NCK1: variants seen among roughly 807,000 people sequenced by gnomAD.
The protein encoded by NCK1 is NCK adaptor protein 1.
In NCK1, 19 loss-of-function variants were observed where a neutral mutation model predicts 36.6. That is an observed-to-expected ratio of 0.52 (90% CI 0.36 to 0.76). NCK1 has a LOEUF of 0.76. NCK1 is among the 30% of genes least tolerant of loss of function. The pLI, the probability that NCK1 is intolerant of heterozygous loss-of-function variation, is 0.00. For missense variants in NCK1, 358 were observed against 445.6 expected, an observed-to-expected ratio of 0.80 and a Z score of 1.77; for synonymous variants, 165 against 156.0, an observed-to-expected ratio of 1.06 and a Z score of -0.43.
chr3:136,897,771 ACTGAG>A (rs1408520895), intron 1 of NCK1, among the ~76,000 whole-genome samples: 5 of 152,222 alleles, frequency 3.3e-5, no homozygotes, highest in African/African-American at 9.6e-5. Flanking sequence ...ACTGAGAAGA[ACTGAG>A]CTAAGTATTA....
chr3:136,930,689 G>T, intron 2 of NCK1: 1 of 1,090,346 alleles, frequency 9.2e-7, no homozygotes, highest in South Asian at 2.7e-5. Context: ...TTATTTGGTG[G>T]GTTTATGTAA....
At chr3:136,930,586 A>AT (rs1336426936) in intron 2 of NCK1, 4 of 1,483,494 alleles carry the variant, frequency 2.7e-6, no homozygotes, top group African/African-American at 2.8e-5. Context: ...GTCTTTAAAG[A>AT]TTTTTTCAGT....
In NCK1 at chr3:136,919,297, ATGTT is replaced by A. The variant is rs1475001014; in HGVS notation, c.-18-8683_-18-8680del. ...GTGGCAGTGATTACATAACTCTTAA[ATGTT>A]TGTCAAATTTTATTCACAACAAACA... On this transcript the variant is annotated intron_variant, in intron 1 of 3. Coordinates refer to ENST00000481752, the MANE Select transcript of NCK1 (RefSeq NM_001291999.2). Among the ~76,000 whole-genome samples the A allele has an allele frequency of 1.3e-4, 20 of 152,280 alleles. No individual in the cohort carries two copies. In the South Asian group the frequency reaches 3.1e-3, roughly 24 times the overall value.
chr3:136,893,185 T>TACACACACACACACACACACACACC (rs1560038396), intron 1 of NCK1, among the ~76,000 whole-genome samples: 16 of 19,468 alleles, frequency 8.2e-4, no homozygotes, highest in Non-Finnish European at 1.2e-3. Context: ...TGTGTATATA[T>TACACACACACACACACACACACACC]ATATATACAC....
At chr3:136,902,189 T>G (rs1939559006) in intron 1 of NCK1, among the ~76,000 whole-genome samples, 1 of 89,294 alleles carries the variant, frequency 1.1e-5, no homozygotes, top group Non-Finnish European at 2.4e-5. Flanking sequence ...TCTTTGTTTT[T>G]TTTTTTTTTT....
chr3:136,902,132 T>G (rs1367472220), intron 1 of NCK1, among the ~76,000 whole-genome samples: 5 of 152,034 alleles, frequency 3.3e-5, no homozygotes, highest in African/African-American at 1.2e-4. Flanking sequence ...CAGAAGCATG[T>G]TGTTTAACTT....
chr3:136,876,919 T>G (rs1025722328), intron 1 of NCK1, among the ~76,000 whole-genome samples: 1 of 152,224 alleles, frequency 6.6e-6, no homozygotes, highest in Non-Finnish European at 1.5e-5. Context: ...TGCTGACTGT[T>G]GCCAAACTGC....
At chr3:136,945,528 T>C (rs915799054) in intron 2 of NCK1, 55 bp from the exon 3 acceptor site, 22 of 1,283,086 alleles carry the variant, frequency 1.7e-5, no homozygotes, top group Non-Finnish European at 2.4e-5. Context: ...AAGTTCATTC[T>C]TTTGGTAATC....
intron 1 of NCK1, among the ~76,000 whole-genome samples, chr3:136,925,611 A>G (rs1017635026): frequency 2.0e-5 from 3 of 152,186 alleles, no homozygotes; most frequent in Admixed American, 6.5e-5. Flanking sequence ...AAATGGAGTC[A>G]TATAGTTAAC....
At chr3:136,911,465 T>A (rs949707631) in intron 1 of NCK1, among the ~76,000 whole-genome samples, 2 of 152,256 alleles carry the variant, frequency 1.3e-5, no homozygotes, top group Admixed American at 6.5e-5. Flanking sequence ...CTTAGTGTTT[T>A]AAATTGCATT....
chr3:136,941,182 G>A (rs1457218796), intron 2 of NCK1, among the ~76,000 whole-genome samples: 1 of 148,244 alleles, frequency 6.7e-6, no homozygotes, highest in African/African-American at 2.5e-5. Context: ...CTGGAGTGCA[G>A]TGGTGGAATC....
intron 2 of NCK1, among the ~76,000 whole-genome samples, chr3:136,932,740 T>G (rs1940427159): frequency 3.3e-5 from 5 of 152,290 alleles, no homozygotes; most frequent in Middle Eastern, 6.8e-3. Flanking sequence ...TACATCCTGG[T>G]AAACAACTAA....
At chr3:136,939,504 T>C (rs1371592127) in intron 2 of NCK1, among the ~76,000 whole-genome samples, 2 of 152,150 alleles carry the variant, frequency 1.3e-5, no homozygotes, top group African/African-American at 2.4e-5. Flanking sequence ...GCTTTGAGTT[T>C]AGTTTTTCTT....
chr3:136,864,981 C>T (rs542850520), intron 1 of NCK1, among the ~76,000 whole-genome samples: 124 of 141,464 alleles, frequency 8.8e-4, no homozygotes, highest in East Asian at 3.9e-3. Context: ...TTTTTTGAGA[C>T]GGAGTCTCAC....
chr3:136,869,217 G>A (rs1282321922), intron 1 of NCK1, among the ~76,000 whole-genome samples: 3 of 151,336 alleles, frequency 2.0e-5, no homozygotes, highest in Admixed American at 6.6e-5. Context: ...TCCGGCCTGG[G>A]TAACAGAGCA....
chr3:136,944,795 C>A (rs987868866), intron 2 of NCK1, among the ~76,000 whole-genome samples: 3 of 152,124 alleles, frequency 2.0e-5, no homozygotes, highest in African/African-American at 7.2e-5. Flanking sequence ...AAATCACACG[C>A]TAAGAAATGG....
chr3:136,951,465 T>A lies in NCK1; in HGVS notation c.*3012T>A, dbSNP rs1940968551. 6.6e-6 allele frequency among the ~76,000 whole-genome samples: 1 copy of A among 152,186 alleles called. No homozygotes were observed. Among genetic ancestry groups the A allele is most frequent in the South Asian group, 2.1e-4 (1 of 4,832 alleles). The stretch of plus-strand genomic sequence containing the variant: ...CAGACTTCTTGTTTCCCTTTAAAAA[T>A]GAGAAGCTAATAACATGAGTTGAAT... On this transcript the variant is annotated 3_prime_UTR_variant, in exon 4 of 4. Coordinates refer to ENST00000481752, the MANE Select transcript of NCK1 (RefSeq NM_001291999.2).
At chr3:136,930,342 C>T in intron 2 of NCK1, 2 of 699,648 alleles carry the variant, frequency 2.9e-6, no homozygotes, top group East Asian at 7.5e-5. Context: ...TATTTTTGGC[C>T]ATGATTATTT....
chr3:136,892,314 A>G lies in NCK1; in HGVS notation c.-19+29961A>G, dbSNP rs117129740. On this transcript the variant is annotated intron_variant, in intron 1 of 3. Transcript: ENST00000481752. ...CTGTGGGTTACCTTTTCACTGTATT[A>G]ATTTAGTGTCCTTTCATATACAAAG... is the stretch of plus-strand genomic sequence containing the variant. 9.9e-4 allele frequency among the ~76,000 whole-genome samples: 151 copies of G among 152,308 alleles called. No individual in the cohort carries two copies. The East Asian group carries it at 0.022, about 22-fold the overall frequency.
Sources: allele counts gnomAD v4.1 joint callset (sites outside exome capture counted in the v4.1 genomes callset), GRCh38; gene constraint gnomAD v4.1.1; transcripts MANE v1.5; gene names NCBI Gene and HGNC (gene_info 2026-07-23, HGNC 2026-07-21).